Variants in PLCB1 observed in about 807,000 individuals in gnomAD.
PLCB1 encodes phospholipase C beta 1, also known as 1-phosphatidylinositol 4,5-bisphosphate phosphodiesterase beta-1.
Under a neutral mutation model 161.8 loss-of-function variants are expected in PLCB1, and 46 were observed. That is an observed-to-expected ratio of 0.28 (90% CI 0.22 to 0.36). The LOEUF is 0.36. Among genes scored for constraint, PLCB1 ranks in the 10% least tolerant of loss-of-function variants. The probability of loss-of-function intolerance (pLI) is 1.00; values close to 1 mark genes in which losing one functional copy is unlikely to be tolerated. For missense variants in PLCB1, 1,016 were observed against 1,472.5 expected, an observed-to-expected ratio of 0.69 and a Z score of 5.07; for synonymous variants, 517 against 503.7, an observed-to-expected ratio of 1.03 and a Z score of -0.35.
intron 5 of PLCB1, 151 bp downstream of exon 5, chr20:8,646,332 C>G (rs1600223587): frequency 8.0e-6 from 5 of 625,978 alleles, no homozygotes; most frequent in South Asian, 7.7e-5. Context: ...TGATACCTCC[C>G]CTGTTCAGAA....
At chr20:8,295,549 T>C (rs1424460008) in intron 2 of PLCB1, among the ~76,000 whole-genome samples, 6 of 152,138 alleles carry the variant, frequency 3.9e-5, no homozygotes, top group Admixed American at 3.9e-4. Context: ...ACCAAATCTA[T>C]GTTTGCTAAC....
intron 31 of PLCB1, among the ~76,000 whole-genome samples, chr20:8,868,770 T>C (rs1465346744): frequency 6.6e-6 from 1 of 152,176 alleles, no homozygotes; most frequent in East Asian, 1.9e-4. Context: ...CAGCTGGGGC[T>C]ACAGGCACCA....
At chr20:8,239,095 G>T (rs537989374) in intron 2 of PLCB1, among the ~76,000 whole-genome samples, 3 of 152,124 alleles carry the variant, frequency 2.0e-5, no homozygotes, top group Admixed American at 2.0e-4. Context: ...GTGAAAGCAG[G>T]AGGAGATTGG....
chr20:8,256,338 G>A (rs1389693031), intron 2 of PLCB1, among the ~76,000 whole-genome samples: 1 of 152,122 alleles, frequency 6.6e-6, no homozygotes, highest in Non-Finnish European at 1.5e-5. Flanking sequence ...CAGCCATTCT[G>A]CTAAGCCACT....
Position 8,824,694 on chromosome 20 carries a change from A to G in PLCB1, c.3423+34433A>G, listed in dbSNP as rs1985602857. On this transcript the variant is annotated intron_variant, in intron 31 of 31. Coordinates refer to ENST00000338037, the MANE Select transcript of PLCB1 (RefSeq NM_015192.4). ...GTACAATGAGGACTGGGATTCATAAATTATAATTATAAGTGTTATTTATTA... is the reference window on the plus strand; with the variant it reads ...GTACAATGAGGACTGGGATTCATAAGTTATAATTATAAGTGTTATTTATTA... Among the ~76,000 whole-genome samples, 2 of 152,224 alleles carry G rather than the reference A, an allele frequency of 1.3e-5. 1 individual carries two copies. The highest frequency in any genetic ancestry group is 4.1e-4 in the South Asian group (2 of 4,828).
chr20:8,781,488 C>T (rs559475380), intron 27 of PLCB1, among the ~76,000 whole-genome samples: 1 of 152,120 alleles, frequency 6.6e-6, no homozygotes, highest in South Asian at 2.1e-4. Context: ...GCTTCTTTTA[C>T]TTAGCATTAT....
chr20:8,685,269 T>C (rs1990332667), intron 10 of PLCB1, among the ~76,000 whole-genome samples, 191 bp downstream of exon 10: 1 of 151,984 alleles, frequency 6.6e-6, no homozygotes, highest in South Asian at 2.1e-4. Flanking sequence ...TATGAAGCAA[T>C]AGCATCATTT....
intron 23 of PLCB1, among the ~76,000 whole-genome samples, chr20:8,741,988 A>G (rs1005642339): frequency 6.6e-6 from 1 of 152,208 alleles, no homozygotes; most frequent in African/African-American, 2.4e-5. Flanking sequence ...TACATAAAAT[A>G]TTTAACACAA....
At chr20:8,836,629 G>A (rs1478851547) in intron 31 of PLCB1, among the ~76,000 whole-genome samples, 2 of 151,174 alleles carry the variant, frequency 1.3e-5, no homozygotes, top group East Asian at 2.0e-4. Context: ...TAGATAGTCC[G>A]TGGTGTACTC....
chr20:8,760,792 A>G (rs146522281), intron 25 of PLCB1, among the ~76,000 whole-genome samples: 12 of 152,328 alleles, frequency 7.9e-5, no homozygotes, highest in East Asian at 1.9e-4. Context: ...ATAATAAACT[A>G]TATTTTAGAT....
chr20:8,773,305 G>A (rs920938879), intron 26 of PLCB1, among the ~76,000 whole-genome samples: 5 of 152,172 alleles, frequency 3.3e-5, no homozygotes, highest in African/African-American at 1.2e-4. Context: ...TTCGGGAAGG[G>A]ATTCCATATA....
intron 2 of PLCB1, among the ~76,000 whole-genome samples, chr20:8,291,046 A>G (rs1381226313): frequency 6.6e-6 from 1 of 151,888 alleles, no homozygotes; most frequent in Non-Finnish European, 1.5e-5. Flanking sequence ...TTTGTGAAAA[A>G]AAAAAAAAAG....
chr20:8,751,050 G>T, intron 23 of PLCB1: 1 of 312,824 alleles, frequency 3.2e-6, no homozygotes, highest in Non-Finnish European at 6.2e-6. Context: ...ATTCTCCTGG[G>T]TCAGCCTCCT....
chr20:8,577,273 C>CAA (rs60742411), intron 3 of PLCB1, among the ~76,000 whole-genome samples: 35 of 127,034 alleles, frequency 2.8e-4, no homozygotes, highest in East Asian at 4.5e-4. Context: ...ATTAAAAATA[C>CAA]AAAAAAAAAA....
chr20:8,315,498 T>C (rs1196296099), intron 2 of PLCB1, among the ~76,000 whole-genome samples: 1 of 152,112 alleles, frequency 6.6e-6, no homozygotes, highest in Non-Finnish European at 1.5e-5. Context: ...GAAAGAGAAA[T>C]AACTGGCCTT....
chr20:8,479,164 G>A (rs1982399428), intron 3 of PLCB1, among the ~76,000 whole-genome samples: 1 of 151,940 alleles, frequency 6.6e-6, no homozygotes, highest in Non-Finnish European at 1.5e-5. Flanking sequence ...AACTTTGCTT[G>A]TTTATTTGTT....
intron 3 of PLCB1, among the ~76,000 whole-genome samples, chr20:8,510,270 G>A (rs1192318436): frequency 6.6e-6 from 1 of 151,742 alleles, no homozygotes; most frequent in Non-Finnish European, 1.5e-5. Flanking sequence ...ACTGGAGCTT[G>A]CTTTCACTTT....
At chr20:8,785,763 C>T (rs928523639) in intron 27 of PLCB1, among the ~76,000 whole-genome samples, 11 of 151,978 alleles carry the variant, frequency 7.2e-5, no homozygotes, top group African/African-American at 2.2e-4. Context: ...GACTGGAGGC[C>T]GATGCTGCTG....
At chr20:8,178,990 A>G (rs2051811075) in intron 2 of PLCB1, among the ~76,000 whole-genome samples, 1 of 152,150 alleles carries the variant, frequency 6.6e-6, no homozygotes, top group Non-Finnish European at 1.5e-5. Context: ...CCATTGGTCT[A>G]CGTGTCTATT....
Sources: allele counts gnomAD v4.1 joint callset (sites outside exome capture counted in the v4.1 genomes callset), GRCh38; gene constraint gnomAD v4.1.1; transcripts MANE v1.5; gene names NCBI Gene and HGNC (gene_info 2026-07-23, HGNC 2026-07-21).